Variants in ANKRD13C observed in about 807,000 individuals in gnomAD.
ANKRD13C encodes ankyrin repeat domain 13C, also known as ankyrin repeat domain-containing protein 13C.
A neutral mutation model predicts 65.5 loss-of-function variants in ANKRD13C; 16 were observed. The observed-to-expected ratio is 0.24, with a 90% CI of 0.17 to 0.37. ANKRD13C has a LOEUF of 0.37. Ranked by LOEUF, ANKRD13C falls within the 10% of genes least tolerant of loss-of-function variation. The pLI is 1.00. For synonymous variants in ANKRD13C, 235 were observed against 238.7 expected (o/e 0.98, Z 0.14); for missense variants, 503 against 655.9 (o/e 0.77, Z 2.55).
rs144955723 is a variant in ANKRD13C, at chr1:70,354,016, G to C, written c.393C>G (p.Leu131=). The C allele has an allele frequency of 1.1e-4, 170 of 1,551,614 alleles. No homozygotes were observed. The highest frequency in any genetic ancestry group is 8.5e-4 in the Admixed American group (44 of 51,840). ...FKGDVRRLSS[L]IRTHNIGQKD... ...TCTGCCCGATATTGTGCGTGCGGATGAGAGAGGAGAGTCTCCTCACATCCC... is the reference window on the plus strand; with the variant it reads ...TCTGCCCGATATTGTGCGTGCGGATCAGAGAGGAGAGTCTCCTCACATCCC... Residue 131 remains leucine, a synonymous_variant, in exon 1 of 13, where the codon CTC becomes CTG. Coordinates refer to ENST00000370944, the MANE Select transcript of ANKRD13C (RefSeq NM_030816.5).
chr1:70,281,864 T>A (rs1252851097), intron 9 of ANKRD13C, among the ~76,000 whole-genome samples: 1 of 150,874 alleles, frequency 6.6e-6, no homozygotes, highest in Non-Finnish European at 1.5e-5. Context: ...CTGGCCAACA[T>A]GGTGAAACCC....
intron 11 of ANKRD13C, among the ~76,000 whole-genome samples, chr1:70,274,473 C>CAAAAAAAAAAAAAAAAAAAA (rs769480539): frequency 2.6e-5 from 1 of 38,668 alleles, no homozygotes. Flanking sequence ...GACTCCATCT[C>CAAAAAAAAAAAAAAAAAAAA]AAAAAAAAAA....
intron 12 of ANKRD13C, among the ~76,000 whole-genome samples, chr1:70,263,238 A>G (rs1174738933): frequency 6.6e-6 from 1 of 151,974 alleles, no homozygotes; most frequent in Non-Finnish European, 1.5e-5. Flanking sequence ...TGACTCTTTG[A>G]GCTGATTTAT....
intron 9 of ANKRD13C, among the ~76,000 whole-genome samples, chr1:70,290,570 G>A (rs886480968): frequency 1.4e-5 from 2 of 147,982 alleles, no homozygotes; most frequent in African/African-American, 5.0e-5. Context: ...GGATCTCACT[G>A]TGTCACCCAG....
intron 9 of ANKRD13C, among the ~76,000 whole-genome samples, chr1:70,278,758 C>G (rs191148355): frequency 1.2e-3 from 189 of 152,182 alleles, no homozygotes; most frequent in Non-Finnish European, 1.8e-3. Context: ...TGCTAAGACA[C>G]AAAATTGAGT....
At chr1:70,323,464 G>A (rs1681400405) in intron 3 of ANKRD13C, among the ~76,000 whole-genome samples, 1 of 151,804 alleles carries the variant, frequency 6.6e-6, no homozygotes, top group African/African-American at 2.4e-5. Context: ...CCAACATGGT[G>A]AAACCCCGTC....
intron 8 of ANKRD13C, among the ~76,000 whole-genome samples, chr1:70,295,614 A>T (rs1217560071): frequency 7.9e-5 from 12 of 152,232 alleles, no homozygotes; most frequent in Admixed American, 7.9e-4. Context: ...AATGGGAATT[A>T]TGGAAATAAT....
chr1:70,295,103 A>G (rs528503018), intron 8 of ANKRD13C, among the ~76,000 whole-genome samples: 1 of 151,970 alleles, frequency 6.6e-6, no homozygotes, highest in East Asian at 1.9e-4. Context: ...GAATATATTC[A>G]TTTCATTGTG....
chr1:70,313,826 C>T, intron 4 of ANKRD13C, 36 bp from the exon 5 acceptor site: 3 of 1,522,630 alleles, frequency 2.0e-6, no homozygotes, highest in Non-Finnish European at 2.7e-6. Context: ...CTAAATGCAC[C>T]TTAGTTAAAA....
chr1:70,311,711 T>C (rs530678839), intron 5 of ANKRD13C, among the ~76,000 whole-genome samples: 1 of 152,292 alleles, frequency 6.6e-6, no homozygotes, highest in East Asian at 1.9e-4. Flanking sequence ...TTCAAAACTT[T>C]TACAGTGAAT....
chr1:70,306,562 G>A (rs1680593374), intron 5 of ANKRD13C, among the ~76,000 whole-genome samples: 1 of 152,062 alleles, frequency 6.6e-6, no homozygotes, highest in Non-Finnish European at 1.5e-5. Flanking sequence ...TGCCACTCAG[G>A]TACAGACTGC....
chr1:70,346,753 T>TA (rs1010325804), intron 1 of ANKRD13C, among the ~76,000 whole-genome samples: 3 of 152,304 alleles, frequency 2.0e-5, no homozygotes, highest in African/African-American at 7.2e-5. Flanking sequence ...TAGCTTTTTA[T>TA]ACTGACCCTT....
chr1:70,270,404 G>A (rs552476057), intron 12 of ANKRD13C, among the ~76,000 whole-genome samples: 2 of 152,192 alleles, frequency 1.3e-5, no homozygotes, highest in South Asian at 2.1e-4. Context: ...AAAACTTTAC[G>A]AAAATGTAAG....
chr1:70,286,204 T>C (rs1679617627), intron 9 of ANKRD13C, among the ~76,000 whole-genome samples: 1 of 152,200 alleles, frequency 6.6e-6, no homozygotes, highest in South Asian at 2.1e-4. Context: ...GATGAATATC[T>C]GATAGAATTA....
At chr1:70,267,358 G>A (rs1379836535) in intron 12 of ANKRD13C, among the ~76,000 whole-genome samples, 5 of 152,000 alleles carry the variant, frequency 3.3e-5, no homozygotes, top group African/African-American at 4.8e-5. Flanking sequence ...ATTGGATCAT[G>A]GTTTTTGTTT....
chr1:70,277,085 A>T (rs1248566861), intron 9 of ANKRD13C, among the ~76,000 whole-genome samples: 1 of 152,156 alleles, frequency 6.6e-6, no homozygotes, highest in Admixed American at 6.5e-5. Context: ...AATAACACCC[A>T]TTCAGTCAAT....
chr1:70,283,306 T>C (rs1317887868), intron 9 of ANKRD13C, among the ~76,000 whole-genome samples: 9 of 152,204 alleles, frequency 5.9e-5, no homozygotes, highest in Admixed American at 6.5e-5. Flanking sequence ...TTTAAGTTAT[T>C]TTGCCAAATC....
chr1:70,276,726 C>T, intron 10 of ANKRD13C, 39 bp downstream of exon 10: 1 of 1,469,018 alleles, frequency 6.8e-7, no homozygotes, highest in South Asian at 1.2e-5. Flanking sequence ...ATTATTCTTT[C>T]TAAAAACCAA....
At position 70,282,353 on chromosome 1, in the gene ANKRD13C, C is replaced by G. The variant is rs1439682209; in HGVS notation, c.1216-5509G>C. Reference sequence around the variant, plus strand: ...TACAGACATGAGACACCGCGCCCGGCAATATAAATCATCTTATACCATGTG... The same window carrying G: ...TACAGACATGAGACACCGCGCCCGGGAATATAAATCATCTTATACCATGTG... On this transcript the variant is annotated intron_variant, in intron 9 of 12. Transcript: ENST00000370944. Among the ~76,000 whole-genome samples, 4 of 151,932 alleles carry G rather than the reference C, an allele frequency of 2.6e-5. No individual in the cohort carries two copies. The East Asian group carries it at 7.8e-4, about 30-fold the overall frequency.
Sources: gnomAD v4.1 joint callset for allele counts (sites outside exome capture counted in the v4.1 genomes callset) on GRCh38, gnomAD v4.1.1 for gene constraint, MANE v1.5 for transcripts, NCBI Gene and HGNC (gene_info 2026-07-23, HGNC 2026-07-21) for gene names.